The following AOAH variants were observed in gnomAD, a reference collection of about 807,000 sequenced individuals.
AOAH encodes acyloxyacyl hydrolase (neutrophil).
A neutral mutation model predicts 92.2 loss-of-function variants in AOAH; 64 were observed. The observed-to-expected ratio is 0.69, with a 90% CI of 0.57 to 0.86. The LOEUF is 0.86. AOAH is among the 40% of genes least tolerant of loss of function. The pLI is 0.00. For synonymous variants in AOAH, 263 were observed against 254.5 expected, an observed-to-expected ratio of 1.03 and a Z score of -0.32; for missense variants, 656 against 694.6, an observed-to-expected ratio of 0.94 and a Z score of 0.62.
At chr7:36,552,973 T>C (rs1167906372) in intron 13 of AOAH, among the ~76,000 whole-genome samples, 1 of 152,076 alleles carries the variant, frequency 6.6e-6, no homozygotes, top group Non-Finnish European at 1.5e-5. Flanking sequence ...TTTTTCTTTT[T>C]TTATTATTAT....
chr7:36,645,974 C>T (rs1794197286), intron 4 of AOAH, among the ~76,000 whole-genome samples: 1 of 152,140 alleles, frequency 6.6e-6, no homozygotes, highest in Admixed American at 6.5e-5. Context: ...CTTGCTATCG[C>T]TTCCTATTCT....
In AOAH at chr7:36,522,042, G is replaced by T; in HGVS notation, c.1596C>A (p.Asn532Lys). The change falls in exon 20 of 21, where the codon AAC becomes AAA. Residue 532 changes from asparagine (N) to lysine (K), a missense_variant. Coordinates refer to ENST00000617537, the MANE Select transcript of AOAH (RefSeq NM_001637.4). ...LIEPVDGFHP[N>K]EVALLLLADH... ...GCCACCATGTGACTGTGCTTACCTC[G>T]TTGGGGTGGAATCCATCCACGGGCT... 2 of 1,613,990 alleles carry T rather than the reference G, an allele frequency of 1.2e-6. No individual in the cohort carries two copies. The highest frequency in any genetic ancestry group is 1.7e-6 in the Non-Finnish European group (2 of 1,179,876).
intron 16 of AOAH, 30 bp downstream of exon 16, chr7:36,540,289 T>C (rs979362222): frequency 1.3e-6 from 2 of 1,574,084 alleles, no homozygotes; most frequent in African/African-American, 2.7e-5. Context: ...TTGATGTTAT[T>C]AAAGAGTAAA....
intron 1 of AOAH, among the ~76,000 whole-genome samples, chr7:36,722,790 T>C (rs1208458855): frequency 6.6e-6 from 1 of 151,334 alleles, no homozygotes; most frequent in East Asian, 1.9e-4. Context: ...AAAAATTAGC[T>C]GGGTGTGGTG....
At chr7:36,717,011 A>G (rs1799240435) in intron 1 of AOAH, among the ~76,000 whole-genome samples, 1 of 149,586 alleles carries the variant, frequency 6.7e-6, no homozygotes. Flanking sequence ...TAAATAAATA[A>G]ATAAATAAAA....
intron 11 of AOAH, among the ~76,000 whole-genome samples, chr7:36,596,255 G>A (rs1444819280): frequency 3.4e-5 from 5 of 146,504 alleles, no homozygotes; most frequent in African/African-American, 1.0e-4. Flanking sequence ...CAGTTTATAC[G>A]TGAAATCTAC....
intron 12 of AOAH, among the ~76,000 whole-genome samples, chr7:36,593,055 C>T (rs1789859528): frequency 6.6e-6 from 1 of 152,156 alleles, no homozygotes; most frequent in Admixed American, 6.5e-5. Context: ...TGTTACCCAC[C>T]CAAAGGAAGT....
intron 10 of AOAH, among the ~76,000 whole-genome samples, chr7:36,617,460 G>T (rs1018698115): frequency 5.3e-5 from 8 of 152,212 alleles, no homozygotes; most frequent in African/African-American, 1.7e-4. Context: ...CCCTCTGAGG[G>T]CTTAAAGACA....
At chr7:36,608,776 T>C (rs1335777780) in intron 11 of AOAH, among the ~76,000 whole-genome samples, 1 of 152,182 alleles carries the variant, frequency 6.6e-6, no homozygotes, top group Non-Finnish European at 1.5e-5. Context: ...CAGACTTGTC[T>C]GAGCCAGTCC....
At chr7:36,557,839 C>G (rs916234409) in intron 13 of AOAH, among the ~76,000 whole-genome samples, 2 of 152,022 alleles carry the variant, frequency 1.3e-5, no homozygotes, top group Non-Finnish European at 2.9e-5. Context: ...GCTCCATCAG[C>G]TCCTTTAAGC....
At chr7:36,668,192 T>TG (rs1365932028) in intron 3 of AOAH, among the ~76,000 whole-genome samples, 9 of 149,060 alleles carry the variant, frequency 6.0e-5, no homozygotes, top group African/African-American at 1.9e-4. Flanking sequence ...ATGAGAGGTT[T>TG]TTGTGTGTGT....
intron 2 of AOAH, among the ~76,000 whole-genome samples, chr7:36,678,600 T>TGTGTGTGTGTGTGTGTGTGTGCGCGC (rs549317369): frequency 1.2e-4 from 16 of 131,024 alleles, no homozygotes; most frequent in South Asian, 2.8e-4. Flanking sequence ...TGTGTGTGTG[T>TGTGTGTGTGTGTGTGTGTGTGCGCGC]GCGCGCGCGC....
intron 1 of AOAH, among the ~76,000 whole-genome samples, chr7:36,715,843 T>G (rs1799126281): frequency 1.3e-5 from 2 of 152,006 alleles, no homozygotes; most frequent in South Asian, 2.1e-4. Flanking sequence ...ATTAAAGACT[T>G]AAATGTTAGA....
intron 3 of AOAH, among the ~76,000 whole-genome samples, chr7:36,662,435 A>T (rs947635872): frequency 6.6e-6 from 1 of 152,378 alleles, no homozygotes; most frequent in Middle Eastern, 3.4e-3. Flanking sequence ...GCAGTGAAGC[A>T]GGCTGCTTGT....
chr7:36,550,369 A>G (rs905570583), intron 13 of AOAH: 1 of 152,066 alleles, frequency 6.6e-6, no homozygotes, highest in African/African-American at 2.4e-5. Flanking sequence ...AAAAAAAAAA[A>G]AGAAAATCAT....
rs150950640 is a variant in AOAH at position 36,659,509 on chromosome 7, C to T, written c.291-244G>A. ...ATGGGGCATGCACAGCACTGAGCTGCCAGTCAGCCTCTCACGCGAGTGCTG... is the reference window on the plus strand; with the variant it reads ...ATGGGGCATGCACAGCACTGAGCTGTCAGTCAGCCTCTCACGCGAGTGCTG... On this transcript the variant is annotated intron_variant, in intron 3 of 20. Transcript: ENST00000617537. 1.8e-3 allele frequency among the ~76,000 whole-genome samples: 272 copies of T among 152,258 alleles called. 3 individuals are homozygous for T. Among genetic ancestry groups the T allele is most frequent in the African/African-American group, 6.4e-3 (266 of 41,536 alleles).
intron 13 of AOAH, among the ~76,000 whole-genome samples, chr7:36,559,070 C>T (rs970385447): frequency 1.2e-4 from 18 of 152,280 alleles, no homozygotes; most frequent in Non-Finnish European, 2.2e-4. Context: ...TTCTGTGTCA[C>T]TCACGCTGGC....
At chr7:36,722,935 G>GAAAAA (rs11407908) in intron 1 of AOAH, among the ~76,000 whole-genome samples, 1 of 49,456 alleles carries the variant, frequency 2.0e-5, no homozygotes, top group African/African-American at 7.8e-5. Flanking sequence ...ATCCATCTCA[G>GAAAAA]AAAAAAAAAA....
intron 4 of AOAH, among the ~76,000 whole-genome samples, chr7:36,649,150 G>A (rs941347531): frequency 6.6e-6 from 1 of 152,206 alleles, no homozygotes; most frequent in African/African-American, 2.4e-5. Context: ...TGAGCTTCAA[G>A]TTCAGGTGGG....
Sources: gnomAD v4.1 joint callset for allele counts (sites outside exome capture counted in the v4.1 genomes callset) on GRCh38, gnomAD v4.1.1 for gene constraint, MANE v1.5 for transcripts, NCBI Gene and HGNC (gene_info 2026-07-23, HGNC 2026-07-21) for gene names.